SOX5: variants seen among roughly 807,000 people sequenced by gnomAD.
The protein encoded by SOX5 is SRY-box transcription factor 5, also known as transcription factor SOX-5.
SOX5 carries 9 observed loss-of-function variants against 92.0 expected under a neutral mutation model. The ratio of observed to expected loss-of-function variants is 0.10; its 90% CI spans 0.06 to 0.17. The LOEUF is 0.17. SOX5 is among the 10% of genes least tolerant of loss of function. The probability of loss-of-function intolerance (pLI) is 1.00; values close to 1 mark genes in which losing one functional copy is unlikely to be tolerated. For missense variants in SOX5, 642 were observed against 944.5 expected, an observed-to-expected ratio of 0.68 and a Z score of 4.20; for synonymous variants, 344 against 336.3, an observed-to-expected ratio of 1.02 and a Z score of -0.25.
At chr12:24,010,708 G>T (rs140577569) in intron 4 of SOX5, among the ~76,000 whole-genome samples, 4,090 of 152,254 alleles carry the variant, frequency 0.027, 78 homozygotes, top group South Asian at 0.051. Flanking sequence ...GCCAAGGCAG[G>T]TGAATCACTT....
At chr12:23,991,091 T>C (rs1292026241) in intron 4 of SOX5, among the ~76,000 whole-genome samples, 2 of 151,370 alleles carry the variant, frequency 1.3e-5, no homozygotes, top group African/African-American at 4.9e-5. Context: ...TGGTGTCTCA[T>C]GTCTATAATC....
At position 24,086,184 on chromosome 12, in the gene SOX5, A is replaced by G. The variant is rs576799434; in HGVS notation, c.-2+127159T>C. Among the ~76,000 whole-genome samples, 4 of 151,988 alleles carry G rather than the reference A, an allele frequency of 2.6e-5. No homozygotes were observed. In the South Asian group the frequency reaches 6.2e-4, roughly 24 times the overall value. ...ACAATTTGGCTGTTAAGGGAGGGGA[A>G]AATGCAGTACATTTTTTTTTTCATT... On this transcript the variant is annotated intron_variant, in intron 4 of 4. Coordinates refer to the SOX5 transcript ENST00000446891.
chr12:23,577,755 G>T lies in SOX5; in HGVS notation c.1165-1917C>A, dbSNP rs558903077. 2.6e-5 allele frequency among the ~76,000 whole-genome samples: 4 copies of T among 152,004 alleles called. No homozygotes were observed. The South Asian group carries it at 8.3e-4, about 31-fold the overall frequency. ...AATCTATATTGATTCATAAGATCTTGACAGGAAGTGAAATAATTCCATCAC... is the reference window on the plus strand; with the variant it reads ...AATCTATATTGATTCATAAGATCTTTACAGGAAGTGAAATAATTCCATCAC... On this transcript the variant is annotated intron_variant, in intron 9 of 14. Coordinates refer to ENST00000451604, the MANE Select transcript of SOX5 (RefSeq NM_006940.6).
intron 4 of SOX5, among the ~76,000 whole-genome samples, chr12:24,107,527 G>A (rs1246496273): frequency 6.6e-6 from 1 of 152,150 alleles, no homozygotes; most frequent in Non-Finnish European, 1.5e-5. Flanking sequence ...GACAAAGCCA[G>A]GGCTTCTTGA....
At chr12:24,245,235 TTGTGTGTGTGTGTGTG>T (rs58384963) in intron 3 of SOX5, among the ~76,000 whole-genome samples, 27 of 144,364 alleles carry the variant, frequency 1.9e-4, no homozygotes, top group East Asian at 6.2e-4. Flanking sequence ...TTGGAGAGAT[TTGTGTGTGTGTGTGTG>T]TGTGTGTGTG....
At chr12:23,801,799 A>ATT (rs1272528725) in intron 3 of SOX5, among the ~76,000 whole-genome samples, 5 of 152,106 alleles carry the variant, frequency 3.3e-5, no homozygotes, top group Non-Finnish European at 7.3e-5. Context: ...GCTTTCAGTT[A>ATT]CACTTTTATT....
At chr12:24,538,598 AACACACACACACAC>A (rs60114784) in intron 1 of SOX5, among the ~76,000 whole-genome samples, 2 of 143,746 alleles carry the variant, frequency 1.4e-5, no homozygotes, top group African/African-American at 5.1e-5. Context: ...GCTGGATCTA[AACACACACACACAC>A]ACACACACAC....
At chr12:24,531,992 T>C (rs1951235948) in intron 1 of SOX5, among the ~76,000 whole-genome samples, 1 of 152,106 alleles carries the variant, frequency 6.6e-6, no homozygotes, top group Non-Finnish European at 1.5e-5. Context: ...ACTATTTAAA[T>C]TGACAATAAA....
At position 23,707,352 on chromosome 12, in the gene SOX5, G is replaced by T. The variant is rs188765706; in HGVS notation, c.810+27332C>A. ...TTTTTAAGAGTACTTCTAAATCAAA[G>T]CAAACTACAGAAATTCCTATCTGTC... is the stretch of plus-strand genomic sequence containing the variant. On this transcript the variant is annotated intron_variant, in intron 6 of 14. Transcript: ENST00000451604. Among the ~76,000 whole-genome samples, 53 of 152,216 alleles carry T rather than the reference G, an allele frequency of 3.5e-4. No individual in the cohort carries two copies. In the East Asian group the frequency reaches 8.1e-3, roughly 23 times the overall value.
At chr12:24,428,193 G>A (rs1287952088) in intron 1 of SOX5, among the ~76,000 whole-genome samples, 3 of 146,844 alleles carry the variant, frequency 2.0e-5, no homozygotes, top group Non-Finnish European at 4.5e-5. Context: ...AAAAGAAGAG[G>A]TAAAACAAAC....
intron 5 of SOX5, 80 bp downstream of exon 5, chr12:23,740,787 G>T: frequency 8.9e-7 from 1 of 1,127,948 alleles, no homozygotes; most frequent in African/African-American, 1.6e-5. Flanking sequence ...ATTCATTGTT[G>T]TGTGCCTAGG....
chr12:24,481,148 C>G (rs1283300277), intron 1 of SOX5, among the ~76,000 whole-genome samples: 1 of 152,000 alleles, frequency 6.6e-6, no homozygotes, highest in Non-Finnish European at 1.5e-5. Flanking sequence ...GTAAAATAAG[C>G]CAGGCACAGA....
intron 2 of SOX5, among the ~76,000 whole-genome samples, chr12:24,350,502 C>T (rs927627180): frequency 6.6e-6 from 1 of 152,064 alleles, no homozygotes; most frequent in African/African-American, 2.4e-5. Context: ...TGCCACCATG[C>T]CCAGCTAATT....
At chr12:24,202,884 T>G (rs1461406849) in intron 4 of SOX5, among the ~76,000 whole-genome samples, 2 of 152,236 alleles carry the variant, frequency 1.3e-5, no homozygotes, top group Non-Finnish European at 1.5e-5. Flanking sequence ...GTTTTTCCAC[T>G]GTAAAGTTAC....
chr12:24,303,935 G>A (rs991648428), intron 2 of SOX5, among the ~76,000 whole-genome samples: 1 of 152,110 alleles, frequency 6.6e-6, no homozygotes, highest in African/African-American at 2.4e-5. Context: ...AAAGACAATT[G>A]TTCAATTATA....
chr12:24,450,994 A>T (rs1432884797), intron 1 of SOX5, among the ~76,000 whole-genome samples: 1 of 152,028 alleles, frequency 6.6e-6, no homozygotes, highest in African/African-American at 2.4e-5. Flanking sequence ...TCTATTCTCT[A>T]ACTCCATGAG....
At chr12:23,564,794 G>A (rs923721313) in intron 10 of SOX5, among the ~76,000 whole-genome samples, 1 of 152,190 alleles carries the variant, frequency 6.6e-6, no homozygotes, top group Non-Finnish European at 1.5e-5. Flanking sequence ...GTCTAATCAT[G>A]TCAGATTACA....
At chr12:23,544,561 C>T (rs1002249641) in intron 12 of SOX5, among the ~76,000 whole-genome samples, 4 of 152,098 alleles carry the variant, frequency 2.6e-5, no homozygotes, top group African/African-American at 9.7e-5. Flanking sequence ...AACTTGAAGA[C>T]CTCTATAGCA....
intron 2 of SOX5, among the ~76,000 whole-genome samples, chr12:24,304,095 G>A (rs1384190718): frequency 1.3e-5 from 2 of 152,120 alleles, no homozygotes; most frequent in East Asian, 3.9e-4. Context: ...CTTAAGAAAG[G>A]CTTCATAAAG....
Sources: allele counts gnomAD v4.1 joint callset (sites outside exome capture counted in the v4.1 genomes callset), GRCh38; gene constraint gnomAD v4.1.1; transcripts MANE v1.5; gene names NCBI Gene and HGNC (gene_info 2026-07-23, HGNC 2026-07-21).